KCTD8: variants seen among roughly 807,000 people sequenced by gnomAD.
KCTD8 encodes potassium channel tetramerization domain containing 8.
Under a neutral mutation model 31.5 loss-of-function variants are expected in KCTD8, and 27 were observed. The observed-to-expected ratio is 0.86, with a 90% CI of 0.63 to 1.18. The LOEUF (loss-of-function observed/expected upper bound fraction) is 1.18, where lower values mean the gene tolerates loss of function less well. KCTD8 is among the 50% of genes most tolerant of loss of function. The pLI is 0.00. For synonymous variants in KCTD8, 290 were observed against 280.0 expected (o/e 1.04, Z -0.36); for missense variants, 658 against 647.7 (o/e 1.02, Z -0.17).
intron 1 of KCTD8, among the ~76,000 whole-genome samples, chr4:44,396,792 T>A (rs545647502): frequency 6.6e-6 from 1 of 152,114 alleles, no homozygotes. Context: ...TTCAGACCCA[T>A]GCAGTGGAAA....
At chr4:44,439,900 TTTTA>T (rs59211244) in intron 1 of KCTD8, among the ~76,000 whole-genome samples, 4,064 of 133,278 alleles carry the variant, frequency 0.03, 133 homozygotes, top group East Asian at 0.085. Context: ...AATCATTTAT[TTTTA>T]TTTATTTATT....
At chr4:44,296,141 A>G (rs1717424294) in intron 1 of KCTD8, among the ~76,000 whole-genome samples, 2 of 152,166 alleles carry the variant, frequency 1.3e-5, no homozygotes, top group African/African-American at 4.8e-5. Flanking sequence ...AACAGAGATC[A>G]TGAATGTATT....
intron 1 of KCTD8, among the ~76,000 whole-genome samples, chr4:44,288,933 T>C (rs1270225437): frequency 5.6e-4 from 1 of 1,786 alleles, no homozygotes; most frequent in East Asian, 0.083. Context: ...TATATATCAT[T>C]TTTTTCTATA....
intron 1 of KCTD8, among the ~76,000 whole-genome samples, chr4:44,264,088 A>G (rs1488069215): frequency 6.6e-6 from 1 of 152,206 alleles, no homozygotes; most frequent in Non-Finnish European, 1.5e-5. Flanking sequence ...CTCAAGGAAT[A>G]ATTACAGAGA....
chr4:44,193,031 C>T (rs184003440), intron 1 of KCTD8, among the ~76,000 whole-genome samples: 1 of 152,258 alleles, frequency 6.6e-6, no homozygotes, highest in Admixed American at 6.5e-5. Context: ...TCTTAATAAA[C>T]ACCCCTTTAT....
chr4:44,347,822 G>C (rs934504006), intron 1 of KCTD8, among the ~76,000 whole-genome samples: 2 of 152,136 alleles, frequency 1.3e-5, no homozygotes, highest in Admixed American at 6.6e-5. Flanking sequence ...TCATGCTAAT[G>C]GCAATGCAGG....
intron 1 of KCTD8, among the ~76,000 whole-genome samples, chr4:44,232,181 T>A (rs764988550): frequency 3.3e-5 from 5 of 152,104 alleles, no homozygotes; most frequent in Non-Finnish European, 5.9e-5. Context: ...AAACAATAAT[T>A]TCTAGACCAA....
chr4:44,188,962 A>T (rs1445573925), intron 1 of KCTD8, among the ~76,000 whole-genome samples: 1 of 152,204 alleles, frequency 6.6e-6, no homozygotes, highest in East Asian at 1.9e-4. Context: ...GCAATTTGTC[A>T]TAGTAGCCAA....
At chr4:44,371,534 C>G (rs1204617932) in intron 1 of KCTD8, among the ~76,000 whole-genome samples, 1 of 152,058 alleles carries the variant, frequency 6.6e-6, no homozygotes, top group Middle Eastern at 3.4e-3. Context: ...TATAGGTAGT[C>G]GTTAAAAGTA....
chr4:44,277,592 T>A (rs1716788629), intron 1 of KCTD8, among the ~76,000 whole-genome samples: 1 of 151,872 alleles, frequency 6.6e-6, no homozygotes, highest in Non-Finnish European at 1.5e-5. Flanking sequence ...AACAATTATA[T>A]CAGGCTATAA....
chr4:44,396,456 T>C (rs2109453482), intron 1 of KCTD8, among the ~76,000 whole-genome samples: 1 of 151,384 alleles, frequency 6.6e-6, no homozygotes, highest in East Asian at 1.9e-4. Context: ...GGAAAGTTGT[T>C]TTTTTTTTTC....
intron 1 of KCTD8, among the ~76,000 whole-genome samples, chr4:44,229,757 T>A (rs1470509384): frequency 1.3e-5 from 2 of 152,070 alleles, no homozygotes; most frequent in Non-Finnish European, 2.9e-5. Context: ...GACAAAAATA[T>A]CTCTGAAAAA....
At chr4:44,238,199 C>T (rs576371991) in intron 1 of KCTD8, among the ~76,000 whole-genome samples, 1 of 152,060 alleles carries the variant, frequency 6.6e-6, no homozygotes, top group African/African-American at 2.4e-5. Context: ...GTTCTCCCCG[C>T]CCTACACTAG....
chr4:44,223,157 A>T (rs1714856779), intron 1 of KCTD8, among the ~76,000 whole-genome samples: 1 of 152,192 alleles, frequency 6.6e-6, no homozygotes, highest in Non-Finnish European at 1.5e-5. Context: ...GCCCCAGAAA[A>T]ACGTCTGAAG....
At chr4:44,396,804 A>G (rs1353046498) in intron 1 of KCTD8, among the ~76,000 whole-genome samples, 1 of 152,174 alleles carries the variant, frequency 6.6e-6, no homozygotes, top group African/African-American at 2.4e-5. Context: ...CAGTGGAAAT[A>G]TAAATTGTTA....
intron 1 of KCTD8, among the ~76,000 whole-genome samples, chr4:44,307,621 T>C (rs1717840015): frequency 1.3e-5 from 2 of 152,016 alleles, no homozygotes; most frequent in Non-Finnish European, 2.9e-5. Flanking sequence ...GATTTGGTCA[T>C]AAAACACGAT....
At chr4:44,225,971 C>T (rs150091140) in intron 1 of KCTD8, among the ~76,000 whole-genome samples, 18,124 of 151,806 alleles carry the variant, frequency 0.12, 1,373 homozygotes, top group East Asian at 0.24. Flanking sequence ...CAGGTGTCCG[C>T]CATCACGCCT....
intron 1 of KCTD8, among the ~76,000 whole-genome samples, chr4:44,358,897 T>C (rs971961137): frequency 6.6e-6 from 1 of 152,232 alleles, no homozygotes; most frequent in Admixed American, 6.5e-5. Flanking sequence ...CACTGTGGTT[T>C]TGATTTGCAT....
chr4:44,361,410 C>T (rs1719492415), intron 1 of KCTD8, among the ~76,000 whole-genome samples: 1 of 151,846 alleles, frequency 6.6e-6, no homozygotes, highest in Non-Finnish European at 1.5e-5. Flanking sequence ...ATGGAGCCTT[C>T]GGTGTTGAGA....
Sources: gnomAD v4.1 joint callset for allele counts (sites outside exome capture counted in the v4.1 genomes callset) on GRCh38, gnomAD v4.1.1 for gene constraint, MANE v1.5 for transcripts, NCBI Gene and HGNC (gene_info 2026-07-23, HGNC 2026-07-21) for gene names.